The following RPP14 variants were observed in gnomAD, a reference collection of about 807,000 sequenced individuals.
RPP14 encodes the protein ribonuclease P protein subunit p14.
Under a neutral mutation model 17.8 loss-of-function variants are expected in RPP14, and 19 were observed. That is an observed-to-expected ratio of 1.07 (90% CI 0.74 to 1.57). The LOEUF is 1.57. RPP14 is among the 40% of genes most tolerant of loss of function. The pLI is 0.00. For missense variants in RPP14, 125 were observed against 140.8 expected (o/e 0.89, Z 0.57); for synonymous variants, 60 against 56.4 (o/e 1.06, Z -0.29).
At position 58,310,378 on chromosome 3, in the gene RPP14, T is replaced by G. The variant is rs1355538683; in HGVS notation, c.49T>G (p.Ser17Ala). 6 of 1,614,042 alleles carry G rather than the reference T, an allele frequency of 3.7e-6. No individual in the cohort carries two copies. The highest frequency in any genetic ancestry group is 5.1e-6 in the Non-Finnish European group (6 of 1,180,026). The part of the protein sequence containing the change: ...TYERVVYKNP[S>A]EYHYMKVCLE... ...TGAAAGAGTAGTTTACAAAAACCCTTCCGAGTACCACTACATGAAAGTCTG... is the reference window on the plus strand; with the variant it reads ...TGAAAGAGTAGTTTACAAAAACCCTGCCGAGTACCACTACATGAAAGTCTG... The change falls in exon 2 of 6, where the codon TCC (serine) becomes GCC (alanine). Residue 17 changes from serine (S) to alanine (A), a missense_variant. By Grantham distance (99) the Ser-to-Ala change is moderately conservative (BLOSUM62 1). Coordinates refer to ENST00000295959, the MANE Select transcript of RPP14 (RefSeq NM_007042.6).
rs1243200815 is a variant in RPP14 at position 58,318,148 on chromosome 3, A to G, written c.*652A>G. The G allele has an allele frequency of 3.2e-6, 2 of 620,332 alleles. No individual in the cohort carries two copies. Among genetic ancestry groups the G allele is most frequent in the Admixed American group, 2.9e-5 (1 of 34,980 alleles). The allele number at this position is 620,332 out of a possible 1,614,324, so 38.4% of individuals were successfully genotyped here. ...TAGATGTTTTAAAGATGCAACCTCA[A>G]ACACCAATGCTGTTGTTAAAGAGCC... On this transcript the variant is annotated 3_prime_UTR_variant, in exon 6 of 6. Coordinates refer to ENST00000295959, the MANE Select transcript of RPP14 (RefSeq NM_007042.6).
At chr3:58,307,825 T>G (rs2097477165) in intron 1 of RPP14, 1 of 151,794 alleles carries the variant, frequency 6.6e-6, no homozygotes, top group Admixed American at 6.6e-5. Flanking sequence ...TCCTTTAATG[T>G]CAGAACAGCC....
chr3:58,310,854 C>T (rs1051649602), intron 3 of RPP14, among the ~76,000 whole-genome samples: 2 of 151,120 alleles, frequency 1.3e-5, no homozygotes, highest in Admixed American at 6.6e-5. Flanking sequence ...TGCTTGAACC[C>T]GGGAGGCAGA....
intron 3 of RPP14, among the ~76,000 whole-genome samples, chr3:58,314,233 C>T (rs1234255629): frequency 6.6e-6 from 1 of 152,136 alleles, no homozygotes; most frequent in Non-Finnish European, 1.5e-5. Context: ...TGCCTGTAAC[C>T]CCAGCTACTC....
intron 1 of RPP14, among the ~76,000 whole-genome samples, chr3:58,308,611 C>G (rs2097478337): frequency 6.6e-6 from 1 of 152,186 alleles, no homozygotes; most frequent in Non-Finnish European, 1.5e-5. Flanking sequence ...GATGTAGCTC[C>G]TTGACCCTGA....
chr3:58,311,212 T>G (rs2097481891), intron 3 of RPP14, among the ~76,000 whole-genome samples: 1 of 152,188 alleles, frequency 6.6e-6, no homozygotes, highest in South Asian at 2.1e-4. Context: ...TGGAGTGCAA[T>G]GGCACATTCT....
In RPP14 at chr3:58,316,767, G is replaced by A. The variant is rs1000643635; in HGVS notation, c.240-148G>A. 5 of 864,278 alleles carry A rather than the reference G, an allele frequency of 5.8e-6. No homozygotes were observed. The Admixed American group carries it at 1.2e-4, about 21-fold the overall frequency. The allele number at this position is 864,278 out of a possible 1,614,324, so 53.5% of individuals were successfully genotyped here. A position where few individuals can be genotyped will look rare whatever the true frequency, so the allele number is the denominator to read the frequency against. Reference sequence around the variant, plus strand: ...CACCAGAAACTTGTACTCTAGAGAGGGCAAAACTTACGATTTGGTTACAGC... The same window carrying A: ...CACCAGAAACTTGTACTCTAGAGAGAGCAAAACTTACGATTTGGTTACAGC... On this transcript the variant is annotated intron_variant, in intron 4 of 5. Coordinates refer to ENST00000295959, the MANE Select transcript of RPP14 (RefSeq NM_007042.6).
intron 1 of RPP14, 146 bp downstream of exon 1, chr3:58,306,563 C>T (rs1282609608): frequency 6.6e-6 from 1 of 152,182 alleles, no homozygotes; most frequent in African/African-American, 2.4e-5. Context: ...TACGGCGCCG[C>T]GTAGGGTCTC....
Position 58,306,253 on chromosome 3 carries a change from C to G in RPP14, c.-186C>G, listed in dbSNP as rs1347982347. On this transcript the variant is annotated 5_prime_UTR_variant, in exon 1 of 6. Coordinates refer to ENST00000295959, the MANE Select transcript of RPP14 (RefSeq NM_007042.6). ...CGCCGCGTGGTGACGTCATATCCGC[C>G]TGGGCGTCACGCTTCGTGGGGCGGG... 1 of 152,236 alleles carries G rather than the reference C, an allele frequency of 6.6e-6. No homozygotes were observed. Among genetic ancestry groups the G allele is most frequent in the Non-Finnish European group, 1.5e-5 (1 of 68,068 alleles). 9.4% of individuals were successfully genotyped at this position (152,236 alleles called of 1,614,324 possible).
At chr3:58,307,378 G>A (rs559579527) in intron 1 of RPP14, among the ~76,000 whole-genome samples, 1 of 152,308 alleles carries the variant, frequency 6.6e-6, no homozygotes, top group African/African-American at 2.4e-5. Context: ...GGGAGAATCA[G>A]ATTTATTACT....
chr3:58,311,687 A>G (rs2097482405), intron 3 of RPP14, among the ~76,000 whole-genome samples: 1 of 133,734 alleles, frequency 7.5e-6, no homozygotes, highest in African/African-American at 2.7e-5. Context: ...GGAATACAAT[A>G]AATATGAGAG....
intron 3 of RPP14, among the ~76,000 whole-genome samples, chr3:58,312,960 C>CAAAAAA (rs35853424): frequency 1.3e-5 from 1 of 79,044 alleles, no homozygotes; most frequent in Non-Finnish European, 2.4e-5. Context: ...GACTCTGTCT[C>CAAAAAA]AAAAAAAAAA....
chr3:58,313,211 A>G (rs917981666), intron 3 of RPP14, among the ~76,000 whole-genome samples: 4 of 152,138 alleles, frequency 2.6e-5, no homozygotes, highest in African/African-American at 9.7e-5. Flanking sequence ...GTGAGCCGAG[A>G]TCACGCCACT....
rs1021542447 is a variant in RPP14, at chr3:58,319,821, AAAATT to A, written c.*2326_*2330del. ...TTTTTTTTGTTTCCCGTTTTTTAAT[AAAATT>A]GAGATATAATTCACATACCATAAAA... On this transcript the variant is annotated 3_prime_UTR_variant, in exon 6 of 6. Transcript: ENST00000295959. The A allele has an allele frequency of 3.9e-5, 6 of 152,266 alleles. No individual in the cohort carries two copies. The highest frequency in any genetic ancestry group is 1.4e-4 in the African/African-American group (6 of 41,542). The allele number at this position is 152,266 out of a possible 1,614,324, so 9.4% of individuals were successfully genotyped here. A position where few individuals can be genotyped will look rare whatever the true frequency, so the allele number is the denominator to read the frequency against.
chr3:58,310,609 A>G lies in RPP14; in HGVS notation c.162+18A>G. Reference sequence around the variant, plus strand: ...TTGGGGAGGTATGGAATCACTTGGTAGATTGAACATTCCAAAGATCTTTGT... The same window carrying G: ...TTGGGGAGGTATGGAATCACTTGGTGGATTGAACATTCCAAAGATCTTTGT... On this transcript the variant is annotated intron_variant, in intron 3 of 5. Transcript: ENST00000295959. 4 of 1,589,076 alleles carry G rather than the reference A, an allele frequency of 2.5e-6. No individual in the cohort carries two copies. The highest frequency in any genetic ancestry group is 3.4e-6 in the Non-Finnish European group (4 of 1,166,860).
chr3:58,311,792 T>G (rs1377745298), intron 3 of RPP14, among the ~76,000 whole-genome samples: 1 of 152,164 alleles, frequency 6.6e-6, no homozygotes, highest in African/African-American at 2.4e-5. Context: ...CATGTCTTTT[T>G]GAATTGATTT....
intron 4 of RPP14, 134 bp from the exon 5 acceptor site, chr3:58,316,780 AT>A: frequency 1.1e-6 from 1 of 891,854 alleles, no homozygotes. Context: ...AAAACTTACG[AT>A]TTGGTTACAG....
chr3:58,313,940 A>ATGG (rs2097485136), intron 3 of RPP14, among the ~76,000 whole-genome samples: 1 of 152,240 alleles, frequency 6.6e-6, no homozygotes, highest in Admixed American at 6.5e-5. Flanking sequence ...TAATCCCAAC[A>ATGG]CTTTGGGAAG....
chr3:58,310,652 G>A lies in RPP14; in HGVS notation c.162+61G>A, dbSNP rs1043511644. On this transcript the variant is annotated intron_variant, in intron 3 of 5. Coordinates refer to ENST00000295959, the MANE Select transcript of RPP14 (RefSeq NM_007042.6). Reference sequence around the variant, plus strand: ...ATCTTTGTAAGAAATACAGAAAGAGGCCGGGCGCGGTAGCTCACGCCTGTA... The same window carrying A: ...ATCTTTGTAAGAAATACAGAAAGAGACCGGGCGCGGTAGCTCACGCCTGTA... The A allele has an allele frequency of 4.8e-6, 7 of 1,448,720 alleles. No homozygotes were observed. The African/African-American group carries it at 7.1e-5, about 15-fold the overall frequency. The allele number at this position is 1,448,720 out of a possible 1,614,324, so 89.7% of individuals were successfully genotyped here. A position where few individuals can be genotyped will look rare whatever the true frequency, so the allele number is the denominator to read the frequency against.
Sources: gnomAD v4.1 joint callset for allele counts (sites outside exome capture counted in the v4.1 genomes callset) on GRCh38, gnomAD v4.1.1 for gene constraint, MANE v1.5 for transcripts, NCBI Gene and HGNC (gene_info 2026-07-23, HGNC 2026-07-21) for gene names.